PDE4D: variants seen among roughly 807,000 people sequenced by gnomAD.
PDE4D encodes the protein 3',5'-cyclic-AMP phosphodiesterase 4D.
A neutral mutation model predicts 87.4 loss-of-function variants in PDE4D; 24 were observed. The observed-to-expected ratio is 0.27, with a 90% confidence interval of 0.20 to 0.39. The LOEUF (loss-of-function observed/expected upper bound fraction) is 0.39, where lower values mean the gene tolerates loss of function less well. Among genes scored for constraint, PDE4D ranks in the 10% least tolerant of loss-of-function variants. PDE4D has a pLI of 1.00. For synonymous variants in PDE4D, 384 were observed against 383.2 expected (o/e 1.00, Z -0.02); for missense variants, 714 against 1,041.0 (o/e 0.69, Z 4.32).
chr5:60,415,662 G>A (rs1282968491), intron 1 of PDE4D, among the ~76,000 whole-genome samples: 5 of 152,220 alleles, frequency 3.3e-5, no homozygotes, highest in African/African-American at 7.2e-5. Flanking sequence ...GGCAGGGCTC[G>A]GGACCTGCAG....
intron 1 of PDE4D, among the ~76,000 whole-genome samples, chr5:60,407,843 C>G (rs1006533240): frequency 6.6e-6 from 1 of 152,158 alleles, no homozygotes; most frequent in East Asian, 1.9e-4. Flanking sequence ...CTTAGACCCT[C>G]CTCCCATTTA....
intron 1 of PDE4D, among the ~76,000 whole-genome samples, chr5:59,591,024 A>T (rs1348946860): frequency 6.6e-6 from 1 of 152,156 alleles, no homozygotes; most frequent in Admixed American, 6.6e-5. Context: ...TCAAAGTTGC[A>T]TCAGGTCAGC....
chr5:59,844,731 C>T (rs1353993409), intron 1 of PDE4D, among the ~76,000 whole-genome samples: 15 of 152,156 alleles, frequency 9.9e-5, no homozygotes, highest in East Asian at 1.9e-4. Context: ...AGCCTAATCA[C>T]GAACAGGATG....
intron 1 of PDE4D, among the ~76,000 whole-genome samples, chr5:59,593,046 T>C (rs1300128053): frequency 6.6e-6 from 1 of 151,814 alleles, no homozygotes; most frequent in Non-Finnish European, 1.5e-5. Flanking sequence ...ATTTGCTTAG[T>C]AAAATATAAT....
intron 1 of PDE4D, among the ~76,000 whole-genome samples, chr5:60,216,826 A>T (rs1315598852): frequency 6.6e-6 from 1 of 152,104 alleles, no homozygotes; most frequent in Non-Finnish European, 1.5e-5. Flanking sequence ...AAAAATAGAC[A>T]GTTCTATAAT....
chr5:59,071,302 T>G (rs1764749453), intron 5 of PDE4D, among the ~76,000 whole-genome samples: 1 of 152,080 alleles, frequency 6.6e-6, no homozygotes, highest in Non-Finnish European at 1.5e-5. Context: ...TTCTGGAAAT[T>G]TTTCTTCAAT....
chr5:59,893,368 C>T lies in PDE4D; in HGVS notation c.255G>A (p.Pro85=). ...PPPPPPLPPP[P]PPPGAARGRY... ...GGCCGCGGGCAGCCCCGGGCGGCGGCGGGGGCGGCGGCAGGGGGGGCGGCG... is the reference window on the plus strand; with the variant it reads ...GGCCGCGGGCAGCCCCGGGCGGCGGTGGGGGCGGCGGCAGGGGGGGCGGCG... Residue 85 remains proline, a synonymous_variant, in exon 1 of 15, where the codon CCG becomes CCA. Transcript: ENST00000340635. 1 of 1,240,758 alleles carries T rather than the reference C, an allele frequency of 8.1e-7. No individual in the cohort carries two copies. The highest frequency in any genetic ancestry group is 1.0e-6 in the Non-Finnish European group (1 of 993,488). The allele number at this position is 1,240,758 out of a possible 1,614,324, so 76.9% of individuals were successfully genotyped here. A position where few individuals can be genotyped will look rare whatever the true frequency, so the allele number is the denominator to read the frequency against.
At chr5:59,222,040 C>T (rs1752680924) in intron 1 of PDE4D, among the ~76,000 whole-genome samples, 2 of 152,296 alleles carry the variant, frequency 1.3e-5, no homozygotes, top group East Asian at 1.9e-4. Context: ...GCTAGCACTA[C>T]TCATGACCAT....
chr5:59,576,988 T>C (rs1823279846), intron 1 of PDE4D, among the ~76,000 whole-genome samples: 1 of 152,132 alleles, frequency 6.6e-6, no homozygotes, highest in Admixed American at 6.6e-5. Context: ...TAGCTTTCCT[T>C]TCTTCTCTAG....
At chr5:59,116,076 T>C (rs1300183172) in intron 5 of PDE4D, among the ~76,000 whole-genome samples, 1 of 152,216 alleles carries the variant, frequency 6.6e-6, no homozygotes, top group South Asian at 2.1e-4. Context: ...ATAGTAAATA[T>C]AATATACAGC....
intron 1 of PDE4D, among the ~76,000 whole-genome samples, chr5:60,274,429 C>T (rs745572913): frequency 3.8e-4 from 58 of 152,130 alleles, no homozygotes; most frequent in Non-Finnish European, 5.7e-4. Flanking sequence ...GGTGCAATCT[C>T]GACTCACTGC....
chr5:60,389,935 A>G (rs1473644394), intron 1 of PDE4D, among the ~76,000 whole-genome samples: 1 of 152,214 alleles, frequency 6.6e-6, no homozygotes, highest in Non-Finnish European at 1.5e-5. Context: ...TAAAGCTGCC[A>G]TATCCCTCTG....
At chr5:60,097,084 T>G (rs1276868031) in intron 2 of PDE4D, among the ~76,000 whole-genome samples, 1 of 152,070 alleles carries the variant, frequency 6.6e-6, no homozygotes, top group Non-Finnish European at 1.5e-5. Context: ...GGAGGTAATG[T>G]GCTAAGCTAA....
At chr5:59,425,896 G>A (rs1250950568) in intron 1 of PDE4D, among the ~76,000 whole-genome samples, 1 of 152,110 alleles carries the variant, frequency 6.6e-6, no homozygotes, top group Non-Finnish European at 1.5e-5. Context: ...GCTGAATTGT[G>A]TCTACCCCAA....
chr5:59,745,991 T>C (rs1759549467), intron 1 of PDE4D, among the ~76,000 whole-genome samples: 1 of 152,206 alleles, frequency 6.6e-6, no homozygotes, highest in African/African-American at 2.4e-5. Context: ...CATCATCTTG[T>C]AAAAGTATTT....
intron 1 of PDE4D, among the ~76,000 whole-genome samples, chr5:60,237,526 C>T (rs368509023): frequency 2.0e-5 from 3 of 151,956 alleles, no homozygotes; most frequent in African/African-American, 7.2e-5. Flanking sequence ...AAAAGTCACA[C>T]TATATGGTTT....
rs867449647 is a variant in PDE4D at position 59,564,784 on chromosome 5, A to C, written c.455+328384T>G. Among the ~76,000 whole-genome samples, 3 of 152,174 alleles carry C rather than the reference A, an allele frequency of 2.0e-5. No homozygotes were observed. In the South Asian group the frequency reaches 6.2e-4, roughly 32 times the overall value. On this transcript the variant is annotated intron_variant, in intron 1 of 14. Coordinates refer to ENST00000340635, the MANE Select transcript of PDE4D (RefSeq NM_001104631.2). ...TCCCATTTGTGTGAGTGAGAAAGGC[A>C]AGAAAACAGCATGCACAATGCTACT...
At chr5:59,266,834 G>A (rs1413836232) in intron 1 of PDE4D, among the ~76,000 whole-genome samples, 1 of 152,046 alleles carries the variant, frequency 6.6e-6, no homozygotes, top group Non-Finnish European at 1.5e-5. Context: ...AGTTTAGATA[G>A]TGAGGAAAAG....
At chr5:60,020,619 C>A (rs1261319702) in intron 2 of PDE4D, among the ~76,000 whole-genome samples, 1 of 152,066 alleles carries the variant, frequency 6.6e-6, no homozygotes, top group African/African-American at 2.4e-5. Flanking sequence ...CAGAGGAGCC[C>A]TGAGGCACCA....
Sources: gnomAD v4.1 joint callset for allele counts (sites outside exome capture counted in the v4.1 genomes callset) on GRCh38, gnomAD v4.1.1 for gene constraint, MANE v1.5 for transcripts, NCBI Gene and HGNC (gene_info 2026-07-23, HGNC 2026-07-21) for gene names.